Variants in SLC25A30 observed in about 807,000 individuals in gnomAD.
The protein encoded by SLC25A30 is solute carrier family 25 member 30.
A neutral mutation model predicts 42.7 loss-of-function variants in SLC25A30; 29 were observed. The observed-to-expected ratio is 0.68, with a 90% CI of 0.51 to 0.93. The LOEUF (loss-of-function observed/expected upper bound fraction) is 0.93. Among genes scored for constraint, SLC25A30 ranks in the 40% least tolerant of loss-of-function variants. The pLI is 0.00. For synonymous variants in SLC25A30, 124 were observed against 131.0 expected (o/e 0.95, Z 0.37); for missense variants, 300 against 359.7 (o/e 0.83, Z 1.34).
At position 45,394,623 on chromosome 13, in the gene SLC25A30, C is replaced by CT. The variant is rs1881179626; in HGVS notation, c.*1350dup. 3.0e-6 allele frequency: 3 copies of CT among 984,712 alleles called. No homozygotes were observed. The highest frequency in any genetic ancestry group is 1.8e-5 in the African/African-American group (1 of 56,970). The allele number at this position is 984,712 out of a possible 1,614,324, so 61.0% of individuals were successfully genotyped here. A position where few individuals can be genotyped will look rare whatever the true frequency, so the allele number is the denominator to read the frequency against. ...ACAGTCATCTTTTATTTTGAAAAGACTAAGATGAAGACAAGAAGGAAGAGG... is the reference window on the plus strand; with the variant it reads ...ACAGTCATCTTTTATTTTGAAAAGACTTAAGATGAAGACAAGAAGGAAGAGG... On this transcript the variant is annotated 3_prime_UTR_variant, in exon 10 of 10. Transcript: ENST00000519676.
intron 3 of SLC25A30, 90 bp from the exon 4 acceptor site, chr13:45,406,067 C>A: frequency 1.7e-6 from 2 of 1,162,844 alleles, no homozygotes; most frequent in Non-Finnish European, 2.5e-6. Flanking sequence ...CATCCATAAT[C>A]AAACTACATT....
At chr13:45,427,061 A>T in the SLC25A30 span, among the ~76,000 whole-genome samples, 10 of 152,224 alleles carry the variant, frequency 6.6e-5, no homozygotes, top group African/African-American at 2.4e-4. Context: ...TGGATGATGA[A>T]AAAAAATCAG....
Position 45,404,389 on chromosome 13 carries a change from T to G in SLC25A30, c.331A>C (p.Ile111Leu). The G allele has an allele frequency of 1.2e-6, 2 of 1,612,994 alleles. No homozygotes were observed. Among genetic ancestry groups the G allele is most frequent in the South Asian group, 2.2e-5 (2 of 91,064 alleles). Residue 111 changes from isoleucine (I) to leucine (L), a missense_variant, in exon 5 of 10, where the codon ATA (isoleucine) becomes CTA (leucine). Physicochemically the swap from Ile to Leu is conservative, Grantham distance 5. Coordinates refer to ENST00000519676, the MANE Select transcript of SLC25A30 (RefSeq NM_001010875.4). Reference protein sequence around the residue: ...PEDETLPINVICGILSGVISS... With the variant: ...PEDETLPINVLCGILSGVISS... ...ATGACTCCAGACAGAATTCCACATA[T>G]CACATTTATCGGTAGAGTTTCATCT...
chr13:45,427,787 C>T, the SLC25A30 span, among the ~76,000 whole-genome samples: 1 of 89,848 alleles, frequency 1.1e-5, no homozygotes, highest in South Asian at 2.8e-4. Flanking sequence ...TTCTGTCGCC[C>T]AGGCGGAGTG....
the SLC25A30 span, among the ~76,000 whole-genome samples, chr13:45,430,978 T>C: frequency 4.6e-5 from 7 of 151,992 alleles, no homozygotes; most frequent in African/African-American, 1.7e-4. Flanking sequence ...AAGCATATAC[T>C]CTACCCAATG....
chr13:45,401,568 A>G (rs1286407967), intron 6 of SLC25A30, among the ~76,000 whole-genome samples: 1 of 151,940 alleles, frequency 6.6e-6, no homozygotes, highest in East Asian at 1.9e-4. Flanking sequence ...TCTACACCAC[A>G]TGCTTGCCTA....
intron 8 of SLC25A30, chr13:45,398,712 AT>A (rs2137627524): frequency 2.6e-6 from 1 of 380,136 alleles, no homozygotes; most frequent in Non-Finnish European, 4.7e-6. Flanking sequence ...TTCTTTTATA[AT>A]CACAGGAAAT....
At chr13:45,425,594 AT>A in the SLC25A30 span, among the ~76,000 whole-genome samples, 20 of 61,072 alleles carry the variant, frequency 3.3e-4, no homozygotes, top group African/African-American at 1.1e-3. Flanking sequence ...AAATATATAT[AT>A]ACATATATAT....
rs759539811 is a variant in SLC25A30, at chr13:45,404,367, A to T, written c.353T>A (p.Val118Asp). 4 of 1,613,538 alleles carry T rather than the reference A, an allele frequency of 2.5e-6. No homozygotes were observed. Among genetic ancestry groups the T allele is most frequent in the Admixed American group, 1.7e-5 (1 of 60,008 alleles). ...TGGATTAGCAATGGTTGAAGATATG[A>T]CTCCAGACAGAATTCCACATATCAC... The part of the protein sequence containing the change: ...INVICGILSG[V>D]ISSTIANPTD... Residue 118 changes from valine to aspartate, a missense_variant, in exon 5 of 10, where the codon GTC becomes GAC. Transcript: ENST00000519676.
chr13:45,425,889 C>T, the SLC25A30 span, among the ~76,000 whole-genome samples: 2 of 146,788 alleles, frequency 1.4e-5, no homozygotes, highest in Non-Finnish European at 3.0e-5. Context: ...GACAGGGTTT[C>T]ATCATGTTGG....
the SLC25A30 span, among the ~76,000 whole-genome samples, chr13:45,426,156 G>A: frequency 6.6e-6 from 1 of 151,140 alleles, no homozygotes. Flanking sequence ...GCGCCATCTC[G>A]GCTCACTGCA....
chr13:45,395,837 T>TTCAGTTGAGCAATCTC lies in SLC25A30; in HGVS notation c.*136_*137insGAGATTGCTCAACTGA. On this transcript the variant is annotated 3_prime_UTR_variant, in exon 10 of 10. Coordinates refer to ENST00000519676, the MANE Select transcript of SLC25A30 (RefSeq NM_001010875.4). ...AATGCCAACACACAGCAATCTCAAC[T>TTCAGTTGAGCAATCTC]AACCCAGTCTTCATCTGTTGCTCAC... 6.4e-7 allele frequency: 1 copy of TTCAGTTGAGCAATCTC among 1,573,238 alleles called. No individual in the cohort carries two copies. Among genetic ancestry groups the TTCAGTTGAGCAATCTC allele is most frequent in the Non-Finnish European group, 8.6e-7 (1 of 1,160,622 alleles).
chr13:45,424,260 AATATATATAAATATATAAAT>A, the SLC25A30 span, among the ~76,000 whole-genome samples: 4 of 1,748 alleles, frequency 2.3e-3, no homozygotes, highest in Non-Finnish European at 2.0e-3. Flanking sequence ...AATATATGTA[AATATATATAAATATATAAAT>A]ATATATATAA....
At chr13:45,423,711 A>AATATATGT in the SLC25A30 span, among the ~76,000 whole-genome samples, 1 of 43,056 alleles carries the variant, frequency 2.3e-5, no homozygotes, top group African/African-American at 1.4e-4. Context: ...TAAATATATA[A>AATATATGT]ACATATATAA....
At chr13:45,402,206 T>C (rs1882058686) in intron 6 of SLC25A30, 69 bp downstream of exon 6, 10 of 1,209,098 alleles carry the variant, frequency 8.3e-6, no homozygotes, top group Middle Eastern at 3.8e-4. Context: ...AATTAAGTGA[T>C]AGAACAAGTA....
the SLC25A30 span, among the ~76,000 whole-genome samples, chr13:45,425,597 C>CATAT: frequency 2.6e-5 from 1 of 38,128 alleles, no homozygotes. Context: ...TATATATATA[C>CATAT]ATATATATAT....
chr13:45,407,366 G>A (rs1242606680), intron 3 of SLC25A30, among the ~76,000 whole-genome samples: 2 of 151,666 alleles, frequency 1.3e-5, no homozygotes, highest in Admixed American at 6.6e-5. Context: ...CGAGTGAAAC[G>A]CCATCTAAAA....
At chr13:45,424,660 T>TATATAA in the SLC25A30 span, among the ~76,000 whole-genome samples, 1 of 73,722 alleles carries the variant, frequency 1.4e-5, no homozygotes, top group African/African-American at 5.0e-5. Flanking sequence ...TATATAAATA[T>TATATAA]ATAGAAATAT....
At chr13:45,424,494 T>TAA in the SLC25A30 span, among the ~76,000 whole-genome samples, 7 of 67,652 alleles carry the variant, frequency 1.0e-4, no homozygotes, top group African/African-American at 3.6e-4. Flanking sequence ...TATAAATATA[T>TAA]AAATATATAA....
Sources: gnomAD v4.1 joint callset for allele counts (sites outside exome capture counted in the v4.1 genomes callset) on GRCh38, gnomAD v4.1.1 for gene constraint, MANE v1.5 for transcripts, NCBI Gene and HGNC (gene_info 2026-07-23, HGNC 2026-07-21) for gene names.